Variants in KRABD5 observed in about 807,000 individuals in gnomAD.
KRABD5 encodes the protein KRAB domain-containing protein 5.
chr16:31,761,174 G>C, the KRABD5 span: 8 of 152,078 alleles, frequency 5.3e-5, no homozygotes, highest in Non-Finnish European at 8.8e-5. Flanking sequence ...ATTCCTCTCT[G>C]TATCCATGCC....
the KRABD5 span, among the ~76,000 whole-genome samples, chr16:31,719,431 A>C: frequency 6.6e-6 from 1 of 152,258 alleles, no homozygotes; most frequent in South Asian, 2.1e-4. Flanking sequence ...TTAAAATCAG[A>C]AAAACTCTGG....
the KRABD5 span, among the ~76,000 whole-genome samples, chr16:31,746,700 G>A: frequency 1.3e-5 from 2 of 152,186 alleles, no homozygotes; most frequent in South Asian, 2.1e-4. Flanking sequence ...ATAATATCCT[G>A]AATTATGTTT....
At chr16:31,754,065 C>A in the KRABD5 span, 19 of 846,746 alleles carry the variant, frequency 2.2e-5, no homozygotes, top group Non-Finnish European at 3.1e-5. Flanking sequence ...GTGTCAACAT[C>A]AATTTTTGAA....
the KRABD5 span, among the ~76,000 whole-genome samples, chr16:31,721,609 C>T: frequency 2.6e-5 from 4 of 151,860 alleles, no homozygotes; most frequent in Non-Finnish European, 1.5e-5. Context: ...TATTATTTCT[C>T]ATATAGATTT....
At chr16:31,729,863 G>A in the KRABD5 span, among the ~76,000 whole-genome samples, 18 of 151,558 alleles carry the variant, frequency 1.2e-4, no homozygotes, top group Non-Finnish European at 2.2e-4. Context: ...TAACAGCCTA[G>A]TTTAAGATGA....
At chr16:31,725,494 G>A in the KRABD5 span, among the ~76,000 whole-genome samples, 2 of 152,172 alleles carry the variant, frequency 1.3e-5, no homozygotes, top group African/African-American at 2.4e-5. Flanking sequence ...ATATTTTGAG[G>A]AGCCTCTATG....
At chr16:31,740,184 T>C in the KRABD5 span, among the ~76,000 whole-genome samples, 1 of 152,206 alleles carries the variant, frequency 6.6e-6, no homozygotes, top group Non-Finnish European at 1.5e-5. Context: ...CCTCTAGCGC[T>C]GCTGGGTTAG....
At chr16:31,731,317 G>T in the KRABD5 span, among the ~76,000 whole-genome samples, 721 of 152,320 alleles carry the variant, frequency 4.7e-3, 9 homozygotes, top group African/African-American at 0.016. Flanking sequence ...AGACCTACTA[G>T]CAGGGCATAG....
At chr16:31,733,464 A>G in the KRABD5 span, 4 of 455,566 alleles carry the variant, frequency 8.8e-6, no homozygotes, top group East Asian at 1.4e-4. Flanking sequence ...TGTTAAGTAT[A>G]GTCATATTGT....
At chr16:31,744,212 G>C in the KRABD5 span, among the ~76,000 whole-genome samples, 1 of 152,120 alleles carries the variant, frequency 6.6e-6, no homozygotes, top group Admixed American at 6.6e-5. Flanking sequence ...AATTTTCAAA[G>C]GGAATACTTC....
At chr16:31,761,362 T>C in the KRABD5 span, 1 of 152,158 alleles carries the variant, frequency 6.6e-6, no homozygotes, top group African/African-American at 2.4e-5. Flanking sequence ...TTATGATATT[T>C]TATTTCTACT....
chr16:31,747,184 C>T, the KRABD5 span, among the ~76,000 whole-genome samples: 1 of 141,080 alleles, frequency 7.1e-6, no homozygotes, highest in Non-Finnish European at 1.5e-5. Context: ...TGTTCCCCTT[C>T]CTGTGTCCAT....
chr16:31,759,194 T>A, the KRABD5 span: 1 of 668,362 alleles, frequency 1.5e-6, no homozygotes, highest in Non-Finnish European at 2.4e-6. Flanking sequence ...AACCAAAATG[T>A]CCATTAATAA....
chr16:31,727,084 T>C, the KRABD5 span, among the ~76,000 whole-genome samples: 1 of 152,224 alleles, frequency 6.6e-6, no homozygotes, highest in East Asian at 1.9e-4. Flanking sequence ...TCTCAGATCA[T>C]TAATTGTTAG....
chr16:31,723,392 G>A, the KRABD5 span: 2 of 1,574,436 alleles, frequency 1.3e-6, no homozygotes, highest in Middle Eastern at 1.8e-4. Context: ...ATGGGCGAGA[G>A]GTCCAGAGAT....
At chr16:31,739,429 A>G in the KRABD5 span, among the ~76,000 whole-genome samples, 3 of 151,938 alleles carry the variant, frequency 2.0e-5, no homozygotes, top group African/African-American at 7.3e-5. Flanking sequence ...CATCCTAGGA[A>G]TGGGCCTTGC....
At chr16:31,731,460 G>C in the KRABD5 span, among the ~76,000 whole-genome samples, 1 of 152,204 alleles carries the variant, frequency 6.6e-6, no homozygotes, top group African/African-American at 2.4e-5. Flanking sequence ...ATGTGGACAG[G>C]TGTGGCTCCT....
chr16:31,732,489 A>G, the KRABD5 span, among the ~76,000 whole-genome samples: 2 of 152,226 alleles, frequency 1.3e-5, no homozygotes, highest in Admixed American at 1.3e-4. Context: ...TTTGATTATA[A>G]GTTTAAGTTT....
chr16:31,759,033 A>G, the KRABD5 span: 1 of 231,364 alleles, frequency 4.3e-6, no homozygotes, highest in Non-Finnish European at 8.7e-6. Flanking sequence ...AGTATGGTGG[A>G]TATGTTAAAG....
Sources: allele counts gnomAD v4.1 joint callset (sites outside exome capture counted in the v4.1 genomes callset), GRCh38; gene constraint gnomAD v4.1.1; transcripts MANE v1.5; gene names NCBI Gene and HGNC (gene_info 2026-07-23, HGNC 2026-07-21).